ERCC6L: variants seen among roughly 807,000 people sequenced by gnomAD.
ERCC6L encodes the protein ERCC excision repair 6 like, spindle assembly checkpoint helicase, also known as DNA excision repair protein ERCC-6-like.
In ERCC6L, 7 loss-of-function variants were observed where a neutral mutation model predicts 20.1. The ratio of observed to expected loss-of-function variants is 0.35; its 90% CI spans 0.20 to 0.65. ERCC6L has a LOEUF of 0.65. Among genes scored for constraint, ERCC6L ranks in the 30% least tolerant of loss-of-function variants. The probability of loss-of-function intolerance (pLI) is 0.69; values close to 1 mark genes in which losing one functional copy is unlikely to be tolerated. For missense variants in ERCC6L, 592 were observed against 892.4 expected (o/e 0.66, Z 4.29); for synonymous variants, 278 against 331.3 (o/e 0.84, Z 1.75).
chrX:72,236,696 G>A (rs1173856438), intron 1 of ERCC6L, among the ~76,000 whole-genome samples: 1 of 112,027 alleles, frequency 8.9e-6, no homozygotes, highest in Non-Finnish European at 1.9e-5. Flanking sequence ...TAGGTTCTTG[G>A]CAACTGCAAC....
In ERCC6L at chrX:72,207,603, A is replaced by G. The variant is rs1431952850; in HGVS notation, c.1164T>C (p.Asp388=). The change falls in exon 2 of 2, where the codon GAT becomes GAC. Residue 388 remains aspartate (D), a synonymous_variant. Coordinates refer to ENST00000334463, the MANE Select transcript of ERCC6L (RefSeq NM_017669.4). ...TCTCCATTAGCAACTCCTTGATATG[A>G]TCTAAAGACACAAATTTCCTGTATA... ...EEIYRKFVSL[D]HIKELLMETR... The G allele has an allele frequency of 2.5e-6, 3 of 1,209,774 alleles. No individual in the cohort carries two copies. Among genetic ancestry groups the G allele is most frequent in the Non-Finnish European group, 3.4e-6 (3 of 895,150 alleles).
In ERCC6L at chrX:72,219,969, A is replaced by G. The variant is rs780262402; in HGVS notation, c.69-11271T>C. Among the ~76,000 whole-genome samples the G allele has an allele frequency of 2.7e-5, 3 of 111,603 alleles. No homozygotes were observed. The South Asian group carries it at 1.1e-3, about 42-fold the overall frequency. The stretch of plus-strand genomic sequence containing the variant: ...GAGCGGGAAAAGCCTTTAGTCTTTC[A>G]CCATTAAGTACAATGTTAGCTATGG... On this transcript the variant is annotated intron_variant, in intron 1 of 1. Transcript: ENST00000334463.
chrX:72,216,672 C>A (rs778674980), intron 1 of ERCC6L, among the ~76,000 whole-genome samples: 1 of 111,417 alleles, frequency 9.0e-6, no homozygotes, highest in Non-Finnish European at 1.9e-5. Context: ...AGTATTTGTC[C>A]TTTTGTGTTT....
chrX:72,208,328 G>A lies in ERCC6L; in HGVS notation c.439C>T (p.His147Tyr), dbSNP rs1430623621. Residue 147 changes from histidine to tyrosine, a missense_variant, in exon 2 of 2, where the codon CAT becomes TAT. His to Tyr is a moderately conservative substitution (Grantham distance 83). Around this residue, in one of 3 missense-constraint regions of ERCC6L, gnomAD observed 196 missense variants for 440.1 expected, o/e 0.45. Coordinates refer to ENST00000334463, the MANE Select transcript of ERCC6L (RefSeq NM_017669.4). Reference sequence around the variant, plus strand: ...TTGGTTGGCATGATCAGCAGCACATGATTCACAAGTGATGCATCAAACATA... The same window carrying A: ...TTGGTTGGCATGATCAGCAGCACATAATTCACAAGTGATGCATCAAACATA... ...SGMFDASLVN[H>Y]VLLIMPTNLI... 8.3e-7 allele frequency: 1 copy of A among 1,210,091 alleles called. No homozygotes were observed. The highest frequency in any genetic ancestry group is 3.0e-5 in the East Asian group (1 of 33,789).
intron 1 of ERCC6L, among the ~76,000 whole-genome samples, chrX:72,235,677 G>C (rs913860324): frequency 6.3e-5 from 7 of 111,839 alleles, no homozygotes; most frequent in African/African-American, 2.3e-4. Context: ...ACAGGCGTGA[G>C]CCACCACACC....
chrX:72,230,299 C>T (rs1375695587), intron 1 of ERCC6L, among the ~76,000 whole-genome samples: 1 of 111,267 alleles, frequency 9.0e-6, no homozygotes, highest in Non-Finnish European at 1.9e-5. Flanking sequence ...AGATAACCCC[C>T]CTCTGGCCAG....
At chrX:72,233,136 G>C (rs2042995295) in intron 1 of ERCC6L, among the ~76,000 whole-genome samples, 1 of 111,369 alleles carries the variant, frequency 9.0e-6, no homozygotes. Flanking sequence ...TAGCATTATT[G>C]AAAGTAGGAA....
chrX:72,230,035 C>T (rs188385967), intron 1 of ERCC6L, among the ~76,000 whole-genome samples: 58 of 109,457 alleles, frequency 5.3e-4, no homozygotes, highest in South Asian at 2.0e-3. Context: ...ATTGGCTGGG[C>T]GTGGTGGTGG....
At chrX:72,212,478 T>C (rs887129851) in intron 1 of ERCC6L, among the ~76,000 whole-genome samples, 1 of 111,348 alleles carries the variant, frequency 9.0e-6, no homozygotes, top group African/African-American at 3.3e-5. Context: ...GAGAAACCCA[T>C]AAGCCATACT....
chrX:72,225,368 T>C (rs2042948221), intron 1 of ERCC6L, among the ~76,000 whole-genome samples: 1 of 111,890 alleles, frequency 8.9e-6, no homozygotes, highest in Admixed American at 9.5e-5. Context: ...AGTACATGGA[T>C]GATTTACTTC....
At chrX:72,237,032 T>G (rs2043020833) in intron 1 of ERCC6L, among the ~76,000 whole-genome samples, 1 of 112,336 alleles carries the variant, frequency 8.9e-6, no homozygotes, top group Non-Finnish European at 1.9e-5. Flanking sequence ...TTACTCACAC[T>G]ATTGACTTTA....
At chrX:72,210,834 C>A (rs187890795) in intron 1 of ERCC6L, among the ~76,000 whole-genome samples, 3 of 111,735 alleles carry the variant, frequency 2.7e-5, no homozygotes, top group African/African-American at 9.7e-5. Context: ...TGGGTTAAAC[C>A]GCTGCTGTGA....
At chrX:72,236,679 T>C (rs886776705) in intron 1 of ERCC6L, among the ~76,000 whole-genome samples, 4 of 112,200 alleles carry the variant, frequency 3.6e-5, no homozygotes, top group African/African-American at 1.3e-4. Context: ...TCAGTTAACG[T>C]GGTCAGTAGG....
At chrX:72,222,138 G>A (rs1366571077) in intron 1 of ERCC6L, among the ~76,000 whole-genome samples, 3 of 110,686 alleles carry the variant, frequency 2.7e-5, no homozygotes, top group Non-Finnish European at 3.8e-5. Context: ...CTCCCTCTCC[G>A]GGAAGTGGCT....
intron 1 of ERCC6L, among the ~76,000 whole-genome samples, chrX:72,217,257 T>C (rs2042891687): frequency 9.0e-6 from 1 of 111,713 alleles, no homozygotes; most frequent in African/African-American, 3.3e-5. Context: ...CTGCCTGCTT[T>C]TACTCACTTT....
intron 1 of ERCC6L, among the ~76,000 whole-genome samples, chrX:72,232,381 C>T (rs779067322): frequency 2.9e-4 from 20 of 69,789 alleles, no homozygotes; most frequent in Non-Finnish European, 4.6e-4. Flanking sequence ...CTCAGGAGTT[C>T]GAGACCAGCC....
At chrX:72,218,495 C>T (rs1602443445) in intron 1 of ERCC6L, among the ~76,000 whole-genome samples, 1 of 97,166 alleles carries the variant, frequency 1.0e-5, no homozygotes, top group South Asian at 4.9e-4. Flanking sequence ...ATTTCTTTCT[C>T]TTTTTTTTTT....
At chrX:72,231,520 A>G (rs1449450250) in intron 1 of ERCC6L, among the ~76,000 whole-genome samples, 1 of 111,338 alleles carries the variant, frequency 9.0e-6, no homozygotes, top group East Asian at 2.8e-4. Flanking sequence ...TATTAATAAT[A>G]ATGAATCATA....
intron 1 of ERCC6L, among the ~76,000 whole-genome samples, chrX:72,211,551 G>A (rs1471096569): frequency 8.9e-6 from 1 of 111,787 alleles, no homozygotes; most frequent in East Asian, 2.8e-4. Context: ...GAGGATTACA[G>A]TCTGGATTAC....
Sources: allele counts gnomAD v4.1 joint callset (sites outside exome capture counted in the v4.1 genomes callset), GRCh38; gene constraint gnomAD v4.1.1; regional missense constraint gnomAD v4.1.1; transcripts MANE v1.5; gene names NCBI Gene and HGNC (gene_info 2026-07-23, HGNC 2026-07-21).